Variants in FUBP3 observed in about 807,000 individuals in gnomAD.
The protein encoded by FUBP3 is far upstream element-binding protein 3.
Under a neutral mutation model 85.6 loss-of-function variants are expected in FUBP3, and 28 were observed. That is an observed-to-expected ratio of 0.33 (90% CI 0.24 to 0.45). FUBP3 has a LOEUF of 0.45. Among genes scored for constraint, FUBP3 ranks in the 20% least tolerant of loss-of-function variants. FUBP3 has a pLI of 1.00. For synonymous variants in FUBP3, 271 were observed against 271.4 expected, an observed-to-expected ratio of 1.00 and a Z score of 0.01; for missense variants, 583 against 755.1, an observed-to-expected ratio of 0.77 and a Z score of 2.67.
At chr9:130,589,675 GTATATATA>G (rs1170568300) in intron 1 of FUBP3, among the ~76,000 whole-genome samples, 92 of 34,226 alleles carry the variant, frequency 2.7e-3, no homozygotes, top group Non-Finnish European at 3.1e-3. Context: ...GTATGTGTGT[GTATATATA>G]TATATATATA....
At chr9:130,581,663 T>G (rs1336533641) in intron 1 of FUBP3, 2 of 152,232 alleles carry the variant, frequency 1.3e-5, no homozygotes, top group African/African-American at 2.4e-5. Context: ...TTCTTTGTTA[T>G]ATACACAGCA....
intron 11 of FUBP3, 42 bp downstream of exon 11, chr9:130,623,753 A>C: frequency 1.5e-6 from 2 of 1,356,900 alleles, no homozygotes; most frequent in Non-Finnish European, 2.1e-6. Context: ...GGGCTGCAGA[A>C]GTGGAAAGTG....
chr9:130,629,326 A>G (rs1830119390), intron 12 of FUBP3, among the ~76,000 whole-genome samples: 1 of 152,222 alleles, frequency 6.6e-6, no homozygotes, highest in African/African-American at 2.4e-5. Context: ...CACAAGCACA[A>G]CATTTGGTTT....
intron 1 of FUBP3, among the ~76,000 whole-genome samples, chr9:130,585,125 A>G (rs1036452332): frequency 2.0e-5 from 3 of 152,108 alleles, no homozygotes; most frequent in African/African-American, 7.2e-5. Context: ...GCATCATTGC[A>G]CTCCAGCCTG....
chr9:130,607,457 A>G (rs1831519245), intron 2 of FUBP3, among the ~76,000 whole-genome samples: 1 of 152,164 alleles, frequency 6.6e-6, no homozygotes, highest in Non-Finnish European at 1.5e-5. Flanking sequence ...TAGAAGCAAG[A>G]AGATGCATTG....
intron 2 of FUBP3, among the ~76,000 whole-genome samples, chr9:130,606,808 G>A (rs963496486): frequency 4.6e-5 from 7 of 151,430 alleles, no homozygotes; most frequent in Non-Finnish European, 5.9e-5. Flanking sequence ...CAAGAAGAGC[G>A]AGACTCTGTC....
Position 130,579,659 on chromosome 9 carries a change from G to A in FUBP3, c.-22G>A, listed in dbSNP as rs1247834653. 2 of 1,203,644 alleles carry A rather than the reference G, an allele frequency of 1.7e-6. No homozygotes were observed. The highest frequency in any genetic ancestry group is 4.1e-5 in the South Asian group (1 of 24,516). The allele number at this position is 1,203,644 out of a possible 1,614,324, so 74.6% of individuals were successfully genotyped here. On this transcript the variant is annotated 5_prime_UTR_variant, in exon 1 of 19. Transcript: ENST00000319725. ...CGGCGTCGGCGGCGTCGGCGGCGGCGGCGACGGCGGCGGGGGCGGTAATGG... is the reference window on the plus strand; with the variant it reads ...CGGCGTCGGCGGCGTCGGCGGCGGCAGCGACGGCGGCGGGGGCGGTAATGG...
At chr9:130,634,552 C>CGT in intron 16 of FUBP3, 115 bp from the exon 17 acceptor site, 1 of 742,750 alleles carries the variant, frequency 1.3e-6, no homozygotes, top group Non-Finnish European at 2.2e-6. Context: ...GCTGCGGAGC[C>CGT]GTGTGTGGCC....
intron 12 of FUBP3, among the ~76,000 whole-genome samples, chr9:130,627,383 T>TTTC (rs1323276034): frequency 6.6e-6 from 1 of 152,214 alleles, no homozygotes; most frequent in Non-Finnish European, 1.5e-5. Context: ...GTTTCTCAAA[T>TTTC]TTCTTTGATC....
rs776605908 is a variant in FUBP3 at position 130,630,803 on chromosome 9, C to T, written c.1278+15C>T. 4 of 1,451,194 alleles carry T rather than the reference C, an allele frequency of 2.8e-6. No homozygotes were observed. In the African/African-American group the frequency reaches 4.4e-5, roughly 16 times the overall value. 89.9% of individuals were successfully genotyped at this position (1,451,194 alleles called of 1,614,324 possible). A position where few individuals can be genotyped will look rare whatever the true frequency, so the allele number is the denominator to read the frequency against. ...AGAAAGTTGGCGTACGTACAGGGTCCTTCCCCCACCTGGTTTACTCATAGC... is the reference window on the plus strand; with the variant it reads ...AGAAAGTTGGCGTACGTACAGGGTCTTTCCCCCACCTGGTTTACTCATAGC... On this transcript the variant is annotated intron_variant, in intron 13 of 18. Coordinates refer to ENST00000319725, the MANE Select transcript of FUBP3 (RefSeq NM_003934.2).
intron 11 of FUBP3, among the ~76,000 whole-genome samples, chr9:130,624,714 T>A (rs1485356243): frequency 6.6e-6 from 1 of 151,470 alleles, no homozygotes; most frequent in Non-Finnish European, 1.5e-5. Context: ...AGACAGTTCT[T>A]CCAGTGTGGC....
chr9:130,591,451 T>C (rs79586661), intron 1 of FUBP3, among the ~76,000 whole-genome samples: 5,930 of 152,156 alleles, frequency 0.039, 134 homozygotes, highest in Non-Finnish European at 0.053. Context: ...AAAGTGGTTT[T>C]AGCAGAGTAG....
At chr9:130,579,924 G>T (rs1030780351) in intron 1 of FUBP3, among the ~76,000 whole-genome samples, 160 bp downstream of exon 1, 3 of 152,224 alleles carry the variant, frequency 2.0e-5, no homozygotes, top group African/African-American at 4.8e-5. Context: ...GGAGCCGGGG[G>T]GATAAGGCGC....
Position 130,606,433 on chromosome 9 carries a change from C to T in FUBP3, c.191-3521C>T, listed in dbSNP as rs138995126. ...CTCACCTGCCTCTGGCCAGTGGTTC[C>T]GTGTGGGTGCCAGCCCGTGCTGGCT... On this transcript the variant is annotated intron_variant, in intron 2 of 18. Transcript: ENST00000319725. 3.9e-4 allele frequency among the ~76,000 whole-genome samples: 59 copies of T among 152,306 alleles called. No homozygotes were observed. In the South Asian group the frequency reaches 6.4e-3, roughly 17 times the overall value.
chr9:130,626,685 T>C (rs1377664063), intron 12 of FUBP3, among the ~76,000 whole-genome samples, 180 bp downstream of exon 12: 1 of 152,214 alleles, frequency 6.6e-6, no homozygotes, highest in Non-Finnish European at 1.5e-5. Flanking sequence ...CTGAGGCTGC[T>C]GACGGGCCTG....
intron 12 of FUBP3, among the ~76,000 whole-genome samples, chr9:130,626,819 A>G (rs542081846): frequency 8.9e-4 from 135 of 152,298 alleles, no homozygotes; most frequent in Middle Eastern, 3.4e-3. Flanking sequence ...GCATTTGTCA[A>G]TCGACTGATT....
At chr9:130,589,052 C>A (rs1830471250) in intron 1 of FUBP3, among the ~76,000 whole-genome samples, 1 of 152,152 alleles carries the variant, frequency 6.6e-6, no homozygotes, top group Non-Finnish European at 1.5e-5. Context: ...TGTTGAGTAG[C>A]AGGGACACAT....
intron 6 of FUBP3, among the ~76,000 whole-genome samples, chr9:130,614,733 G>C (rs941235092): frequency 2.0e-5 from 3 of 152,178 alleles, no homozygotes; most frequent in Non-Finnish European, 4.4e-5. Context: ...AGGACTTTTG[G>C]CTGGAGGCTG....
At position 130,612,426 on chromosome 9, in the gene FUBP3, A is replaced by AT. The variant is rs760311869; in HGVS notation, c.225-23dup. The AT allele has an allele frequency of 1.2e-4, 174 of 1,467,554 alleles. No individual in the cohort carries two copies. The highest frequency in any genetic ancestry group is 1.5e-4 in the Non-Finnish European group (157 of 1,052,126). 90.9% of individuals were successfully genotyped at this position (1,467,554 alleles called of 1,614,324 possible). A position where few individuals can be genotyped will look rare whatever the true frequency, so the allele number is the denominator to read the frequency against. On this transcript the variant is annotated intron_variant, in intron 3 of 18. Coordinates refer to ENST00000319725, the MANE Select transcript of FUBP3 (RefSeq NM_003934.2). This position sits in a 1 kb window ranked among gnomAD's most constrained non-coding sequence, Gnocchi z 4.1. The stretch of plus-strand genomic sequence containing the variant: ...ATGGCTGCAAAAGTCTGTATTCTGT[A>AT]TTTTTTTCCAAAATGTTCTTTGTTT...
Sources: gnomAD v4.1 joint callset for allele counts (sites outside exome capture counted in the v4.1 genomes callset) on GRCh38, gnomAD v4.1.1 for gene constraint, Gnocchi (gnomAD v3.1) non-coding constraint, MANE v1.5 for transcripts, NCBI Gene and HGNC (gene_info 2026-07-23, HGNC 2026-07-21) for gene names.